The following RETREG1 variants were observed in gnomAD, a reference collection of about 807,000 sequenced individuals.
RETREG1 encodes the protein reticulophagy regulator 1, also known as family with sequence similarity 134 member B.
In RETREG1, 44 loss-of-function variants were observed where a neutral mutation model predicts 54.8. That is an observed-to-expected ratio of 0.80 (90% CI 0.63 to 1.03). The LOEUF (loss-of-function observed/expected upper bound fraction) is 1.03. Among genes scored for constraint, RETREG1 ranks in the 50% least tolerant of loss-of-function variants. The pLI is 0.00. For missense variants in RETREG1, 554 were observed against 605.1 expected (o/e 0.92, Z 0.89); for synonymous variants, 217 against 238.5 (o/e 0.91, Z 0.83).
intron 3 of RETREG1, among the ~76,000 whole-genome samples, chr5:16,496,440 G>T (rs1025588468): frequency 3.9e-5 from 6 of 152,182 alleles, no homozygotes; most frequent in African/African-American, 1.4e-4. Flanking sequence ...GGGGTAAAAA[G>T]AAGCTGAGAT....
At chr5:16,613,261 G>GA (rs1743400120) in intron 1 of RETREG1, among the ~76,000 whole-genome samples, 1 of 152,130 alleles carries the variant, frequency 6.6e-6, no homozygotes, top group Non-Finnish European at 1.5e-5. Context: ...TGTAGTGGTT[G>GA]AAATATTAGG....
At chr5:16,477,548 T>A in intron 8 of RETREG1, 114 bp downstream of exon 8, 1 of 1,000,590 alleles carries the variant, frequency 1.0e-6, no homozygotes, top group Admixed American at 1.9e-5. Flanking sequence ...CCAAGTAATA[T>A]TCTACTGTGT....
In RETREG1 at chr5:16,481,039, T is replaced by A; in HGVS notation, c.640A>T (p.Ile214Phe). The change falls in exon 5 of 9, where the codon ATT becomes TTT. Residue 214 changes from isoleucine (I) to phenylalanine (F), a missense_variant. By Grantham distance (21) the Ile-to-Phe change is conservative (BLOSUM62 0). This residue lies in a region of RETREG1 where 347 missense variants were observed against 412.3 expected (regional missense o/e 0.84). Coordinates refer to ENST00000306320, the MANE Select transcript of RETREG1 (RefSeq NM_001034850.3). ...CTFFTILGSY[I>F]PGVILSYLLL... ...AGATAGCTGAGTATAACCCCAGGAA[T>A]GTAACTTCCCAAGATCGTAAAAAAT... The A allele has an allele frequency of 6.2e-7, 1 of 1,611,914 alleles. No homozygotes were observed. Among genetic ancestry groups the A allele is most frequent in the Non-Finnish European group, 8.5e-7 (1 of 1,178,438 alleles).
intron 3 of RETREG1, among the ~76,000 whole-genome samples, chr5:16,493,444 G>A (rs925126236): frequency 2.0e-5 from 3 of 152,174 alleles, no homozygotes; most frequent in African/African-American, 4.8e-5. Flanking sequence ...CCTTTCATTT[G>A]TGAATGCCAA....
At chr5:16,491,891 A>AAGATG (rs1739263415) in intron 3 of RETREG1, among the ~76,000 whole-genome samples, 1 of 152,170 alleles carries the variant, frequency 6.6e-6, no homozygotes, top group Admixed American at 6.5e-5. Context: ...GAAAGAAAGA[A>AAGATG]AGATGCTTCA....
Position 16,478,999 on chromosome 5 carries a change from AAG to A in RETREG1, c.671-14_671-13del. 1.2e-6 allele frequency: 2 copies of A among 1,611,064 alleles called. No homozygotes were observed. The highest frequency in any genetic ancestry group is 1.7e-6 in the Non-Finnish European group (2 of 1,178,302). ...AAATGCACACAGTACTGAAAGAAGA[AAG>A]AGAGCAGAGGTAAAATGCCTTTCCT... On this transcript the variant is annotated splice_polypyrimidine_tract_variant and intron_variant, in intron 5 of 8. Coordinates refer to ENST00000306320, the MANE Select transcript of RETREG1 (RefSeq NM_001034850.3).
rs1057518447 is a variant in RETREG1, at chr5:16,477,758, A to G, written c.904T>C (p.Ser302Pro). The change falls in exon 8 of 9, where the codon TCT becomes CCT. Residue 302 changes from serine (S) to proline (P), a missense_variant. This residue lies in a region of RETREG1 where 347 missense variants were observed against 412.3 expected (regional missense o/e 0.84). Transcript: ENST00000306320. The part of the protein sequence containing the change: ...ISLTVAAKEL[S>P]VSDTDVSEVS... ...TCTGAGACGTCTGTGTCAGACACAG[A>G]TAACTCTTTGGCAGCAACCGTGAGG... 7 of 1,613,342 alleles carry G rather than the reference A, an allele frequency of 4.3e-6. No individual in the cohort carries two copies. The highest frequency in any genetic ancestry group is 3.3e-5 in the Admixed American group (2 of 59,900).
intron 3 of RETREG1, among the ~76,000 whole-genome samples, chr5:16,506,362 C>T (rs1416278245): frequency 6.6e-6 from 1 of 152,214 alleles, no homozygotes; most frequent in African/African-American, 2.4e-5. Context: ...AGATAAACAA[C>T]TTCCAACAGT....
chr5:16,492,227 T>TCA (rs777847226), intron 3 of RETREG1, among the ~76,000 whole-genome samples: 25 of 117,906 alleles, frequency 2.1e-4, no homozygotes, highest in Non-Finnish European at 3.8e-4. Flanking sequence ...TCTCTCTCTC[T>TCA]CTCACACACA....
At chr5:16,595,119 A>G (rs1373919428) in intron 1 of RETREG1, among the ~76,000 whole-genome samples, 1 of 152,232 alleles carries the variant, frequency 6.6e-6, no homozygotes, top group Non-Finnish European at 1.5e-5. Context: ...ACCAGAAACC[A>G]TGAAGCCATT....
At chr5:16,578,004 G>A (rs137983483) in intron 1 of RETREG1, among the ~76,000 whole-genome samples, 240 of 152,206 alleles carry the variant, frequency 1.6e-3, no homozygotes, top group African/African-American at 5.6e-3. Flanking sequence ...AGACTCATAC[G>A]TTTTCTTATT....
chr5:16,575,470 G>A (rs1742296703), intron 1 of RETREG1, among the ~76,000 whole-genome samples: 1 of 152,228 alleles, frequency 6.6e-6, no homozygotes, highest in Non-Finnish European at 1.5e-5. Context: ...CCAATGAAAT[G>A]CAAAACCAAC....
chr5:16,571,375 T>C (rs256880), intron 2 of RETREG1, among the ~76,000 whole-genome samples: 68,105 of 152,030 alleles, frequency 0.45, 15,387 homozygotes, highest in African/African-American at 0.5. Flanking sequence ...TTAATTATTC[T>C]CAGGAGGGCT....
At chr5:16,612,902 C>T (rs1410002723) in intron 1 of RETREG1, among the ~76,000 whole-genome samples, 2 of 152,176 alleles carry the variant, frequency 1.3e-5, no homozygotes, top group Non-Finnish European at 2.9e-5. Context: ...TCAGTTCCTG[C>T]ACCATTTAAA....
chr5:16,616,587 C>T (rs1417668871), intron 1 of RETREG1, 65 bp downstream of exon 1: 2 of 1,536,802 alleles, frequency 1.3e-6, no homozygotes, highest in East Asian at 2.4e-5. Flanking sequence ...ACTGGGTCCC[C>T]GGGGCCCCGG....
In RETREG1 at chr5:16,498,265, G is replaced by A. The variant is rs1457281486; in HGVS notation, c.459-14793C>T. ...AAACCTGGATGGGATAGTCTACTAC[G>A]TACCGAGGCTATAGGGTACAACCTA... is the stretch of plus-strand genomic sequence containing the variant. On this transcript the variant is annotated intron_variant, in intron 3 of 8. Coordinates refer to ENST00000306320, the MANE Select transcript of RETREG1 (RefSeq NM_001034850.3). 5.3e-5 allele frequency among the ~76,000 whole-genome samples: 8 copies of A among 152,170 alleles called. No individual in the cohort carries two copies. The East Asian group carries it at 9.6e-4, about 18-fold the overall frequency.
chr5:16,577,231 C>G (rs1742347914), intron 1 of RETREG1, among the ~76,000 whole-genome samples: 1 of 149,872 alleles, frequency 6.7e-6, no homozygotes, highest in African/African-American at 2.5e-5. Flanking sequence ...TTTCCTTGAT[C>G]TTTTGTGTAG....
chr5:16,511,258 A>G (rs1295883245), intron 3 of RETREG1, among the ~76,000 whole-genome samples: 1 of 152,142 alleles, frequency 6.6e-6, no homozygotes, highest in Admixed American at 6.5e-5. Flanking sequence ...TCTCTTATGA[A>G]GCTGGGCAGC....
At chr5:16,514,999 A>G (rs1349421079) in intron 3 of RETREG1, among the ~76,000 whole-genome samples, 1 of 149,188 alleles carries the variant, frequency 6.7e-6, no homozygotes, top group Non-Finnish European at 1.5e-5. Context: ...TTATCCACTC[A>G]TTGATTGATG....
Sources: gnomAD v4.1 joint callset for allele counts (sites outside exome capture counted in the v4.1 genomes callset) on GRCh38, gnomAD v4.1.1 for gene constraint, gnomAD v4.1.1 regional missense constraint, MANE v1.5 for transcripts, NCBI Gene and HGNC (gene_info 2026-07-23, HGNC 2026-07-21) for gene names.